The following KLHL1 variants were observed in gnomAD, a reference collection of about 807,000 sequenced individuals.
The protein encoded by KLHL1 is kelch like family member 1.
KLHL1 carries 47 observed loss-of-function variants against 77.7 expected under a neutral mutation model. The observed-to-expected ratio is 0.60, with a 90% CI of 0.48 to 0.77. The LOEUF is 0.77. Among genes scored for constraint, KLHL1 ranks in the 30% least tolerant of loss-of-function variants. The pLI is 0.00. For synonymous variants in KLHL1, 360 were observed against 325.2 expected (o/e 1.11, Z -1.15); for missense variants, 925 against 910.8 (o/e 1.02, Z -0.20).
intron 6 of KLHL1, among the ~76,000 whole-genome samples, chr13:69,802,200 T>C (rs1328486332): frequency 3.3e-5 from 5 of 152,164 alleles, no homozygotes; most frequent in Non-Finnish European, 7.3e-5. Flanking sequence ...ATAAATTCAT[T>C]CTTTTTTATG....
chr13:69,888,858 A>C (rs1363199941), intron 4 of KLHL1, among the ~76,000 whole-genome samples: 2 of 152,070 alleles, frequency 1.3e-5, no homozygotes, highest in African/African-American at 4.8e-5. Context: ...AATAAACTTA[A>C]GAAAGCATCA....
At chr13:69,781,030 C>G (rs538900660) in intron 7 of KLHL1, among the ~76,000 whole-genome samples, 1 of 151,536 alleles carries the variant, frequency 6.6e-6, no homozygotes, top group South Asian at 2.1e-4. Context: ...TATATCAGAC[C>G]AGAAGTAGAA....
intron 1 of KLHL1, among the ~76,000 whole-genome samples, chr13:70,081,527 C>T (rs537975476): frequency 6.6e-6 from 1 of 152,314 alleles, no homozygotes; most frequent in South Asian, 2.1e-4. Flanking sequence ...AGAGGCTGCT[C>T]TCGATTCCTG....
chr13:70,002,648 A>G (rs552675279), intron 1 of KLHL1, among the ~76,000 whole-genome samples: 78 of 151,836 alleles, frequency 5.1e-4, no homozygotes, highest in Non-Finnish European at 1.1e-3. Context: ...ATAAACCTCA[A>G]TTAGACACAT....
In KLHL1 at chr13:69,996,819, T is replaced by A. The variant is rs374186311; in HGVS notation, c.498-21017A>T. 3.3e-5 allele frequency among the ~76,000 whole-genome samples: 5 copies of A among 151,928 alleles called. No homozygotes were observed. In the East Asian group the frequency reaches 9.6e-4, roughly 29 times the overall value. ...GGTAGGAGATAAATCTTACAAACTT[T>A]AAGTGGCCTATGACATTGGTGAAAG... On this transcript the variant is annotated intron_variant, in intron 1 of 10. Transcript: ENST00000377844.
intron 4 of KLHL1, among the ~76,000 whole-genome samples, chr13:69,883,542 C>T (rs999979493): frequency 3.3e-5 from 5 of 152,180 alleles, no homozygotes; most frequent in African/African-American, 1.2e-4. Context: ...CAGCAGATAC[C>T]ACACTGCAGC....
rs116558813 is a variant in KLHL1 at position 70,052,743 on chromosome 13, A to G, written c.497+54460T>C. ...CAGGCTCTCCTTCTCTCTCTCTCAC[A>G]TGCACATACATAGGCCTTAGGTTAA... On this transcript the variant is annotated intron_variant, in intron 1 of 10. Coordinates refer to ENST00000377844, the MANE Select transcript of KLHL1 (RefSeq NM_020866.3). 3.8e-3 allele frequency among the ~76,000 whole-genome samples: 576 copies of G among 152,034 alleles called. 3 individuals are homozygous for G. The highest frequency in any genetic ancestry group is 0.013 in the African/African-American group (530 of 41,524).
At chr13:70,052,081 G>C (rs183430191) in intron 1 of KLHL1, among the ~76,000 whole-genome samples, 1 of 151,478 alleles carries the variant, frequency 6.6e-6, no homozygotes, top group African/African-American at 2.4e-5. Context: ...TTTCTTAGCC[G>C]TGCAATAGGC....
chr13:69,865,984 T>C (rs942075838), intron 5 of KLHL1, among the ~76,000 whole-genome samples: 2 of 152,134 alleles, frequency 1.3e-5, no homozygotes, highest in Middle Eastern at 3.2e-3. Context: ...TGAAATCTAA[T>C]GGTCAGGATA....
chr13:69,723,053 T>G (rs1313463353), intron 8 of KLHL1, among the ~76,000 whole-genome samples: 2 of 152,102 alleles, frequency 1.3e-5, no homozygotes, highest in Non-Finnish European at 2.9e-5. Context: ...GACATTATAT[T>G]AAGCAAAATA....
chr13:69,992,924 A>G (rs973025438), intron 1 of KLHL1, among the ~76,000 whole-genome samples: 3 of 92,754 alleles, frequency 3.2e-5, no homozygotes, highest in Admixed American at 2.4e-4. Flanking sequence ...CTGCAGAGGG[A>G]AAAAAAAAAC....
chr13:70,088,147 T>A lies in KLHL1; in HGVS notation c.497+19056A>T, dbSNP rs912320313. On this transcript the variant is annotated intron_variant, in intron 1 of 10. Transcript: ENST00000377844. ...AGTAAATAATGAGCGCCACGAACTTTCAGTTCTGCTGATTTTTTTCCAGCT... is the reference window on the plus strand; with the variant it reads ...AGTAAATAATGAGCGCCACGAACTTACAGTTCTGCTGATTTTTTTCCAGCT... Among the ~76,000 whole-genome samples the A allele has an allele frequency of 2.6e-5, 4 of 152,148 alleles. No individual in the cohort carries two copies. In the South Asian group the frequency reaches 8.3e-4, roughly 31 times the overall value.
At chr13:69,985,810 T>C (rs887295269) in intron 1 of KLHL1, among the ~76,000 whole-genome samples, 2 of 146,462 alleles carry the variant, frequency 1.4e-5, no homozygotes, top group African/African-American at 5.0e-5. Flanking sequence ...TATATTTATA[T>C]ATTATATATT....
At chr13:69,979,438 T>C (rs770385130) in intron 1 of KLHL1, among the ~76,000 whole-genome samples, 2 of 150,024 alleles carry the variant, frequency 1.3e-5, no homozygotes, top group Non-Finnish European at 3.0e-5. Context: ...ACAGAACACT[T>C]ATAATTTTTA....
chr13:69,723,479 T>C (rs976946245), intron 8 of KLHL1, among the ~76,000 whole-genome samples: 1 of 149,540 alleles, frequency 6.7e-6, no homozygotes, highest in African/African-American at 2.6e-5. Context: ...AAAAAGAAAG[T>C]AAGCCCAGGA....
At chr13:69,780,716 G>T (rs1559464) in intron 7 of KLHL1, among the ~76,000 whole-genome samples, 3 of 47,696 alleles carry the variant, frequency 6.3e-5, no homozygotes, top group Admixed American at 2.3e-4. Flanking sequence ...ATATATATAT[G>T]TATATATATA....
chr13:70,027,649 G>GTGTTTTT (rs1367130178), intron 1 of KLHL1, among the ~76,000 whole-genome samples: 1 of 109,336 alleles, frequency 9.1e-6, no homozygotes, highest in Non-Finnish European at 1.8e-5. Context: ...CAAAATGTAA[G>GTGTTTTT]TTGTTTTTTT....
chr13:69,745,871 T>C (rs1206774911), intron 7 of KLHL1, among the ~76,000 whole-genome samples: 1 of 151,814 alleles, frequency 6.6e-6, no homozygotes, highest in Non-Finnish European at 1.5e-5. Context: ...AATATCCTAA[T>C]GAAATATCAA....
At chr13:70,022,036 A>G (rs1217720913) in intron 1 of KLHL1, among the ~76,000 whole-genome samples, 1 of 152,036 alleles carries the variant, frequency 6.6e-6, no homozygotes, top group Admixed American at 6.6e-5. Flanking sequence ...CTTTGGTGTT[A>G]TAGATACAGA....
Sources: gnomAD v4.1 joint callset for allele counts (sites outside exome capture counted in the v4.1 genomes callset) on GRCh38, gnomAD v4.1.1 for gene constraint, MANE v1.5 for transcripts, NCBI Gene and HGNC (gene_info 2026-07-23, HGNC 2026-07-21) for gene names.